CCSER1: variants seen among roughly 807,000 people sequenced by gnomAD.
CCSER1 encodes the protein serine-rich coiled-coil domain-containing protein 1.
A neutral mutation model predicts 82.0 loss-of-function variants in CCSER1; 41 were observed. The observed-to-expected ratio is 0.50, with a 90% CI of 0.39 to 0.65. The LOEUF (loss-of-function observed/expected upper bound fraction) is 0.65. CCSER1 is among the 30% of genes least tolerant of loss of function. CCSER1 has a pLI of 0.00. For synonymous variants in CCSER1, 414 were observed against 383.9 expected (o/e 1.08, Z -0.92); for missense variants, 1,119 against 1,064.2 (o/e 1.05, Z -0.72).
chr4:91,276,623 T>C (rs1742481116), intron 10 of CCSER1, among the ~76,000 whole-genome samples: 1 of 152,104 alleles, frequency 6.6e-6, no homozygotes, highest in African/African-American at 2.4e-5. Context: ...TTTTTTCAAT[T>C]TGGAATGCCT....
chr4:90,477,541 C>T (rs1454642312), intron 5 of CCSER1, among the ~76,000 whole-genome samples: 1 of 152,184 alleles, frequency 6.6e-6, no homozygotes, highest in Non-Finnish European at 1.5e-5. Flanking sequence ...TCTAAGAATA[C>T]ATAATGTTCT....
At chr4:90,543,752 G>A (rs1416555592) in intron 5 of CCSER1, among the ~76,000 whole-genome samples, 5 of 152,128 alleles carry the variant, frequency 3.3e-5, no homozygotes, top group Admixed American at 6.6e-5. Context: ...TTTAAAGACA[G>A]TATCATATGT....
intron 1 of CCSER1, among the ~76,000 whole-genome samples, chr4:90,217,554 C>T (rs887625252): frequency 6.6e-5 from 10 of 152,026 alleles, no homozygotes; most frequent in African/African-American, 2.4e-4. Context: ...GATAGGCTGA[C>T]TTCTTCTTCT....
At chr4:90,595,312 A>G (rs1783198122) in intron 5 of CCSER1, among the ~76,000 whole-genome samples, 1 of 152,048 alleles carries the variant, frequency 6.6e-6, no homozygotes, top group African/African-American at 2.4e-5. Flanking sequence ...AGATTTTTAT[A>G]TTGAAATAAA....
chr4:91,308,994 G>T (rs866541718), intron 10 of CCSER1, among the ~76,000 whole-genome samples: 1 of 151,938 alleles, frequency 6.6e-6, no homozygotes, highest in African/African-American at 2.4e-5. Flanking sequence ...AACCCTATGG[G>T]AAAGTGAGCT....
intron 3 of CCSER1, among the ~76,000 whole-genome samples, chr4:90,326,897 C>A (rs1738321875): frequency 1.3e-5 from 2 of 152,132 alleles, no homozygotes; most frequent in Non-Finnish European, 2.9e-5. Flanking sequence ...TGAAGCATCT[C>A]CATTTTATAC....
intron 10 of CCSER1, among the ~76,000 whole-genome samples, chr4:91,479,640 A>G (rs1198310786): frequency 1.3e-5 from 2 of 151,208 alleles, no homozygotes; most frequent in East Asian, 3.9e-4. Flanking sequence ...GATACTTCCT[A>G]ATGGGACTAA....
rs145538493 is a variant in CCSER1 at position 90,142,499 on chromosome 4, T to G, written c.-42+14668T>G. Reference sequence around the variant, plus strand: ...TGTGTTAGTAAAATGTGGAAGTTCTTTCATGTGTGTTTTTCCCCAAGCATA... The same window carrying G: ...TGTGTTAGTAAAATGTGGAAGTTCTGTCATGTGTGTTTTTCCCCAAGCATA... On this transcript the variant is annotated intron_variant, in intron 1 of 10. Coordinates refer to ENST00000509176, the MANE Select transcript of CCSER1 (RefSeq NM_001145065.2). Among the ~76,000 whole-genome samples, 6 of 152,332 alleles carry G rather than the reference T, an allele frequency of 3.9e-5. No individual in the cohort carries two copies. In the East Asian group the frequency reaches 1.2e-3, roughly 29 times the overall value.
At chr4:91,561,618 T>C (rs1488956902) in intron 10 of CCSER1, among the ~76,000 whole-genome samples, 5 of 151,512 alleles carry the variant, frequency 3.3e-5, no homozygotes. Context: ...TTAAGCCCCA[T>C]GAGGGGAAAA....
chr4:91,307,250 A>G (rs1270246783), intron 10 of CCSER1, among the ~76,000 whole-genome samples: 3 of 151,902 alleles, frequency 2.0e-5, no homozygotes. Context: ...CATGAAGAAA[A>G]GTTATGAAAC....
At chr4:91,263,574 C>T (rs1304557231) in intron 10 of CCSER1, among the ~76,000 whole-genome samples, 1 of 151,868 alleles carries the variant, frequency 6.6e-6, no homozygotes, top group Admixed American at 6.6e-5. Context: ...CTGACAGAGT[C>T]CTTTAGATAT....
At chr4:91,454,318 C>T (rs1262937747) in intron 10 of CCSER1, among the ~76,000 whole-genome samples, 1 of 152,048 alleles carries the variant, frequency 6.6e-6, no homozygotes, top group Non-Finnish European at 1.5e-5. Flanking sequence ...GCTCCTAGAT[C>T]TGCATTCTTT....
At chr4:90,469,360 A>G (rs1764048191) in intron 5 of CCSER1, among the ~76,000 whole-genome samples, 1 of 152,142 alleles carries the variant, frequency 6.6e-6, no homozygotes, top group African/African-American at 2.4e-5. Flanking sequence ...TTTAGAAAAT[A>G]ATGATTTTAA....
chr4:90,253,622 A>T (rs960306751), intron 1 of CCSER1, among the ~76,000 whole-genome samples: 2 of 151,956 alleles, frequency 1.3e-5, no homozygotes, highest in Non-Finnish European at 2.9e-5. Context: ...GATTTTCCTT[A>T]GTCTTATTGT....
intron 4 of CCSER1, 49 bp from the exon 5 acceptor site, chr4:90,468,185 A>G (rs767146513): frequency 1.3e-6 from 2 of 1,527,982 alleles, no homozygotes; most frequent in Admixed American, 3.8e-5. Flanking sequence ...ATGTGAGACT[A>G]GTTCATAAAT....
At chr4:91,113,857 T>G (rs537853075) in intron 10 of CCSER1, among the ~76,000 whole-genome samples, 291 of 152,132 alleles carry the variant, frequency 1.9e-3, no homozygotes, top group Admixed American at 3.2e-3. Context: ...TACATTTTTT[T>G]TTTTTTCTTT....
intron 3 of CCSER1, among the ~76,000 whole-genome samples, chr4:90,391,485 T>TAC (rs1215609189): frequency 0.019 from 1,454 of 76,464 alleles, 34 homozygotes; most frequent in Non-Finnish European, 0.022. Context: ...TATATATATA[T>TAC]ACACACACAC....
At chr4:90,313,347 C>A (rs2870246) in intron 3 of CCSER1, among the ~76,000 whole-genome samples, 91,874 of 151,936 alleles carry the variant, frequency 0.6, 28,314 homozygotes, top group East Asian at 0.83. Context: ...GAACATGAGG[C>A]TCCCCTTTGA....
At chr4:91,372,705 A>C (rs1309839795) in intron 10 of CCSER1, among the ~76,000 whole-genome samples, 1 of 152,164 alleles carries the variant, frequency 6.6e-6, no homozygotes, top group Non-Finnish European at 1.5e-5. Context: ...TTGGTGATTC[A>C]TCATAAACTG....
Sources: allele counts gnomAD v4.1 joint callset (sites outside exome capture counted in the v4.1 genomes callset), GRCh38; gene constraint gnomAD v4.1.1; transcripts MANE v1.5; gene names NCBI Gene and HGNC (gene_info 2026-07-23, HGNC 2026-07-21).